The following EDNRA variants were observed in gnomAD, a reference collection of about 807,000 sequenced individuals.
The protein encoded by EDNRA is endothelin receptor type A.
EDNRA carries 11 observed loss-of-function variants against 41.4 expected under a neutral mutation model. The observed-to-expected ratio is 0.27, with a 90% CI of 0.17 to 0.44. The LOEUF (loss-of-function observed/expected upper bound fraction) is 0.44, where lower values mean the gene tolerates loss of function less well. EDNRA is among the 20% of genes least tolerant of loss of function. The probability of loss-of-function intolerance (pLI) is 1.00; values close to 1 mark genes in which losing one functional copy is unlikely to be tolerated. For missense variants in EDNRA, 294 were observed against 531.0 expected (o/e 0.55, Z 4.39); for synonymous variants, 172 against 183.0 (o/e 0.94, Z 0.49).
chr4:147,495,620 G>A (rs1043434818), intron 2 of EDNRA: 7 of 152,168 alleles, frequency 4.6e-5, no homozygotes, highest in African/African-American at 1.7e-4. Context: ...GTTATTTGAT[G>A]GACTGATTGC....
chr4:147,490,038 A>G (rs1272026362), intron 2 of EDNRA: 23 of 152,192 alleles, frequency 1.5e-4, no homozygotes, highest in Non-Finnish European at 1.5e-5. Context: ...TGAAGCATTT[A>G]CAGATCCTAG....
chr4:147,482,403 G>A (rs1728796698), intron 1 of EDNRA, among the ~76,000 whole-genome samples: 1 of 152,194 alleles, frequency 6.6e-6, no homozygotes, highest in South Asian at 2.1e-4. Flanking sequence ...CAAACAGGAA[G>A]AATGCTGAAT....
intron 3 of EDNRA, among the ~76,000 whole-genome samples, chr4:147,523,121 G>C (rs1730383824): frequency 6.6e-6 from 1 of 152,204 alleles, no homozygotes; most frequent in South Asian, 2.1e-4. Context: ...GGATAAGGGG[G>C]TTGTGGAAGC....
intron 3 of EDNRA, among the ~76,000 whole-genome samples, chr4:147,530,519 G>A (rs1403568217): frequency 6.6e-6 from 1 of 152,080 alleles, no homozygotes. Flanking sequence ...GAAATAATCT[G>A]GACTTTTTTG....
chr4:147,502,574 G>A (rs569894794), intron 2 of EDNRA, among the ~76,000 whole-genome samples: 1 of 152,202 alleles, frequency 6.6e-6, no homozygotes, highest in Admixed American at 6.5e-5. Context: ...AAATATTACA[G>A]TTTTGAAAAC....
intron 3 of EDNRA, among the ~76,000 whole-genome samples, chr4:147,525,558 G>A (rs903706891): frequency 4.8e-5 from 7 of 146,906 alleles, no homozygotes; most frequent in Non-Finnish European, 1.0e-4. Flanking sequence ...TGCTGAAAGT[G>A]ACAAGTTTTA....
chr4:147,525,476 A>G (rs1289537009), intron 3 of EDNRA, among the ~76,000 whole-genome samples: 1 of 152,194 alleles, frequency 6.6e-6, no homozygotes, highest in African/African-American at 2.4e-5. Flanking sequence ...GTATACTTCT[A>G]TAATGAATAA....
intron 3 of EDNRA, among the ~76,000 whole-genome samples, chr4:147,523,633 G>A (rs1397746327): frequency 6.6e-6 from 1 of 151,856 alleles, no homozygotes; most frequent in Non-Finnish European, 1.5e-5. Flanking sequence ...TGGGACTACA[G>A]GTGCCCACCA....
chr4:147,485,962 G>C lies in EDNRA; in HGVS notation c.281G>C (p.Gly94Ala), dbSNP rs773246690. ...ATATCTTGTACTATTTTCATCGTGG[G>C]AATGGTGGGGAATGCAACTCTGCTC... Reference protein sequence around the residue: ...TVISCTIFIVGMVGNATLLRI... With the variant: ...TVISCTIFIVAMVGNATLLRI... Residue 94 changes from glycine (G) to alanine (A), a missense_variant, in exon 2 of 8, where the codon GGA becomes GCA. By Grantham distance (60) the Gly-to-Ala change is moderately conservative. This residue lies in a region of EDNRA where 90 missense variants were observed against 122.8 expected (regional missense o/e 0.73). Transcript: ENST00000651419. 1 of 1,614,232 alleles carries C rather than the reference G, an allele frequency of 6.2e-7. No individual in the cohort carries two copies. Among genetic ancestry groups the C allele is most frequent in the South Asian group, 1.1e-5 (1 of 91,082 alleles).
At chr4:147,487,584 C>T (rs566393693) in intron 2 of EDNRA, among the ~76,000 whole-genome samples, 8 of 152,212 alleles carry the variant, frequency 5.3e-5, no homozygotes, top group African/African-American at 1.4e-4. Context: ...TTAAGTAAAA[C>T]AGTAATCTCT....
intron 2 of EDNRA, among the ~76,000 whole-genome samples, chr4:147,505,635 C>A (rs1228447252): frequency 1.3e-5 from 2 of 148,964 alleles, no homozygotes. Context: ...AGCCACCCTG[C>A]CCCGCCGGCA....
At chr4:147,526,616 T>G (rs1730557995) in intron 3 of EDNRA, among the ~76,000 whole-genome samples, 1 of 152,168 alleles carries the variant, frequency 6.6e-6, no homozygotes, top group Non-Finnish European at 1.5e-5. Flanking sequence ...GAAGAAGTGG[T>G]AAAGCATTTG....
At chr4:147,507,652 C>A (rs917804952) in intron 2 of EDNRA, among the ~76,000 whole-genome samples, 10 of 152,130 alleles carry the variant, frequency 6.6e-5, no homozygotes, top group African/African-American at 1.9e-4. Flanking sequence ...ACATGTTACT[C>A]AATTGCATAG....
intron 2 of EDNRA, among the ~76,000 whole-genome samples, chr4:147,508,538 C>T (rs958153708): frequency 1.3e-5 from 2 of 152,144 alleles, no homozygotes; most frequent in Admixed American, 6.5e-5. Flanking sequence ...TTGCCTAACC[C>T]AAGATCACAA....
intron 3 of EDNRA, among the ~76,000 whole-genome samples, chr4:147,527,253 CAGAA>C (rs919837185): frequency 5.9e-5 from 9 of 151,908 alleles, no homozygotes; most frequent in Non-Finnish European, 2.9e-5. Flanking sequence ...AAAAATCATT[CAGAA>C]AGAGAAAAAA....
intron 2 of EDNRA, among the ~76,000 whole-genome samples, chr4:147,497,860 C>T (rs928587580): frequency 1.3e-5 from 2 of 152,134 alleles, no homozygotes; most frequent in African/African-American, 2.4e-5. Flanking sequence ...CCTGAGCCAC[C>T]GCGCCCAGCC....
intron 3 of EDNRA, among the ~76,000 whole-genome samples, chr4:147,532,032 G>A (rs1730760172): frequency 6.9e-6 from 1 of 144,526 alleles, no homozygotes; most frequent in South Asian, 2.2e-4. Context: ...AAAAAAAAAG[G>A]CCAGGTGCAG....
chr4:147,534,099 C>A (rs980220468), intron 4 of EDNRA, among the ~76,000 whole-genome samples: 2 of 152,186 alleles, frequency 1.3e-5, no homozygotes, highest in African/African-American at 2.4e-5. Flanking sequence ...TTACCCATTT[C>A]TCTGTGGGCC....
rs200391255 is a variant in EDNRA, at chr4:147,543,358, T to C, written c.*740T>C. 1 of 152,240 alleles carries C rather than the reference T, an allele frequency of 6.6e-6. No homozygotes were observed. The highest frequency in any genetic ancestry group is 6.5e-5 in the Admixed American group (1 of 15,282). 9.4% of individuals were successfully genotyped at this position (152,240 alleles called of 1,614,324 possible). On this transcript the variant is annotated 3_prime_UTR_variant, in exon 8 of 8. Coordinates refer to ENST00000651419, the MANE Select transcript of EDNRA (RefSeq NM_001957.4). ...TACTCAAAGAATTTTTTAAGAACTGTATTTTATTTTTTAAATGGTGTTTTA... is the reference window on the plus strand; with the variant it reads ...TACTCAAAGAATTTTTTAAGAACTGCATTTTATTTTTTAAATGGTGTTTTA...
Sources: allele counts gnomAD v4.1 joint callset (sites outside exome capture counted in the v4.1 genomes callset), GRCh38; gene constraint gnomAD v4.1.1; regional missense constraint gnomAD v4.1.1; transcripts MANE v1.5; gene names NCBI Gene and HGNC (gene_info 2026-07-23, HGNC 2026-07-21).